ENOX2: variants seen among roughly 807,000 people sequenced by gnomAD.
ENOX2 encodes the protein ecto-NOX disulfide-thiol exchanger 2.
Under a neutral mutation model 45.0 loss-of-function variants are expected in ENOX2, and 36 were observed. That is an observed-to-expected ratio of 0.80 (90% CI 0.61 to 1.06). ENOX2 has a LOEUF of 1.06. ENOX2 is among the 50% of genes least tolerant of loss of function. The probability of loss-of-function intolerance (pLI) is 0.00; values close to 1 mark genes in which losing one functional copy is unlikely to be tolerated. For missense variants in ENOX2, 423 were observed against 462.5 expected (o/e 0.91, Z 0.78); for synonymous variants, 174 against 152.3 (o/e 1.14, Z -1.05).
intron 3 of ENOX2, among the ~76,000 whole-genome samples, chrX:130,761,965 T>C (rs1480524606): frequency 8.9e-6 from 1 of 112,029 alleles, no homozygotes; most frequent in African/African-American, 3.2e-5. Context: ...TCTTTTTTTC[T>C]CTGTCAGTCT....
At chrX:130,856,073 C>T (rs1371952388) in intron 2 of ENOX2, among the ~76,000 whole-genome samples, 1 of 111,984 alleles carries the variant, frequency 8.9e-6, no homozygotes, top group African/African-American at 3.2e-5. Context: ...ACCACCATAT[C>T]CTGCCAAGAA....
At chrX:130,887,271 C>T (rs189541167) in intron 2 of ENOX2, among the ~76,000 whole-genome samples, 63 of 111,525 alleles carry the variant, frequency 5.6e-4, no homozygotes, top group Non-Finnish European at 9.8e-4. Context: ...CACGTTGTAT[C>T]CTATCGTGAG....
chrX:130,703,390 C>T, intron 3 of ENOX2, 136 bp from the exon 4 acceptor site: 1 of 518,834 alleles, frequency 1.9e-6, no homozygotes, highest in Non-Finnish European at 3.0e-6. Flanking sequence ...GGCCTCAATG[C>T]CAGCTTTCTT....
At chrX:130,771,170 A>G (rs1183672304) in intron 3 of ENOX2, among the ~76,000 whole-genome samples, 1 of 112,442 alleles carries the variant, frequency 8.9e-6, no homozygotes, top group Admixed American at 9.4e-5. Flanking sequence ...TCTCTGTGCC[A>G]TCTTTCAGGT....
intron 2 of ENOX2, among the ~76,000 whole-genome samples, chrX:130,802,066 T>G (rs1169843608): frequency 8.9e-6 from 1 of 111,989 alleles, no homozygotes; most frequent in Non-Finnish European, 1.9e-5. Flanking sequence ...TGGCTCCCCC[T>G]GCCGCCCACA....
At chrX:130,655,633 T>C in intron 10 of ENOX2, among the ~76,000 whole-genome samples, 1 of 112,084 alleles carries the variant, frequency 8.9e-6, no homozygotes, top group East Asian at 2.8e-4. Context: ...TGTTAGATGT[T>C]TTTTTGTTTG....
At chrX:130,806,949 G>A (rs748568516) in intron 2 of ENOX2, among the ~76,000 whole-genome samples, 29 of 112,209 alleles carry the variant, frequency 2.6e-4, no homozygotes, top group Non-Finnish European at 4.7e-4. Context: ...TCCAATTTTA[G>A]TGTTCTAGCA....
intron 2 of ENOX2, among the ~76,000 whole-genome samples, chrX:130,871,599 T>A (rs1185363599): frequency 9.0e-6 from 1 of 111,420 alleles, no homozygotes; most frequent in East Asian, 2.8e-4. Context: ...GTGAGTTGAA[T>A]ACGATTTACA....
At chrX:130,810,785 T>C (rs2077377913) in intron 2 of ENOX2, among the ~76,000 whole-genome samples, 1 of 111,819 alleles carries the variant, frequency 8.9e-6, no homozygotes, top group Admixed American at 9.4e-5. Context: ...GGTCCAGGCC[T>C]ATCCCAGTAG....
intron 10 of ENOX2, among the ~76,000 whole-genome samples, chrX:130,656,056 T>C (rs1464232199): frequency 8.9e-6 from 1 of 112,389 alleles, no homozygotes; most frequent in Non-Finnish European, 1.9e-5. Context: ...GTTTCAACTT[T>C]AGGTCCAGTG....
intron 3 of ENOX2, among the ~76,000 whole-genome samples, chrX:130,756,066 T>C (rs775039768): frequency 2.7e-5 from 3 of 112,345 alleles, no homozygotes; most frequent in African/African-American, 9.7e-5. Context: ...AATCTGTTTT[T>C]CAAACATTTC....
intron 13 of ENOX2, 51 bp downstream of exon 13, chrX:130,631,417 C>T: frequency 1.4e-6 from 1 of 694,601 alleles, no homozygotes; most frequent in Non-Finnish European, 2.3e-6. Flanking sequence ...CCCTCCTCTC[C>T]TCCATTGTAC....
In ENOX2 at chrX:130,665,678, G is replaced by A. The variant is rs1169558988; in HGVS notation, c.979C>T (p.Arg327Trp). The change falls in exon 9 of 15, where the codon CGG (arginine) becomes TGG (tryptophan). Residue 327 changes from arginine (R) to tryptophan (W), a missense_variant. Physicochemically the swap from Arg to Trp is moderately radical, Grantham distance 101. Around this residue, in one of 5 missense-constraint regions of ENOX2, gnomAD observed 261 missense variants for 306.8 expected, o/e 0.85. Transcript: ENST00000394363. The stretch of plus-strand genomic sequence containing the variant: ...TTGCACCACACGCTGATGTTCTTCC[G>A]CTGGGCTTTTGTGAAGTGGTCCCAT... The part of the protein sequence containing the change: ...KAWDHFTKAQ[R>W]KNISVWCKQA... 5 of 1,203,618 alleles carry A rather than the reference G, an allele frequency of 4.2e-6. No homozygotes were observed. The highest frequency in any genetic ancestry group is 1.8e-5 in the African/African-American group (1 of 56,685).
At chrX:130,759,474 C>T (rs2039423642) in intron 3 of ENOX2, among the ~76,000 whole-genome samples, 1 of 107,736 alleles carries the variant, frequency 9.3e-6, no homozygotes, top group South Asian at 4.2e-4. Context: ...TGCCTGCAAT[C>T]CCAGCTACCC....
intron 2 of ENOX2, among the ~76,000 whole-genome samples, chrX:130,877,935 T>A (rs1464222496): frequency 2.7e-5 from 3 of 112,001 alleles, no homozygotes; most frequent in Non-Finnish European, 5.6e-5. Flanking sequence ...GGCTGACTTA[T>A]CCTGGCTCAC....
At chrX:130,845,357 CAGA>C (rs1232543385) in intron 2 of ENOX2, among the ~76,000 whole-genome samples, 1 of 112,617 alleles carries the variant, frequency 8.9e-6, no homozygotes, top group Non-Finnish European at 1.9e-5. Context: ...AAAAACAAAT[CAGA>C]AGAACCATTA....
chrX:130,890,240 T>G (rs1463905661), intron 2 of ENOX2, among the ~76,000 whole-genome samples: 1 of 111,135 alleles, frequency 9.0e-6, no homozygotes, highest in Non-Finnish European at 1.9e-5. Context: ...TGGGAGGCAG[T>G]AGTTTCAACC....
At chrX:130,866,885 C>G (rs1284062420) in intron 2 of ENOX2, among the ~76,000 whole-genome samples, 1 of 109,890 alleles carries the variant, frequency 9.1e-6, no homozygotes, top group Non-Finnish European at 1.9e-5. Context: ...TCTACCACAG[C>G]AGTTCTGAAA....
At chrX:130,809,828 C>CA (rs2077363583) in intron 2 of ENOX2, among the ~76,000 whole-genome samples, 1 of 110,365 alleles carries the variant, frequency 9.1e-6, no homozygotes, top group Non-Finnish European at 1.9e-5. Flanking sequence ...CAATGTGATA[C>CA]ATACTTAAAA....
Sources: allele counts gnomAD v4.1 joint callset (sites outside exome capture counted in the v4.1 genomes callset), GRCh38; gene constraint gnomAD v4.1.1; regional missense constraint gnomAD v4.1.1; transcripts MANE v1.5; gene names NCBI Gene and HGNC (gene_info 2026-07-23, HGNC 2026-07-21).